Variants in TIMP2 observed in about 807,000 individuals in gnomAD.
TIMP2 encodes metalloproteinase inhibitor 2.
Under a neutral mutation model 24.3 loss-of-function variants are expected in TIMP2, and 5 were observed. That is an observed-to-expected ratio of 0.21 (90% CI 0.11 to 0.43). The LOEUF (loss-of-function observed/expected upper bound fraction) is 0.43, where lower values mean the gene tolerates loss of function less well. TIMP2 is among the 20% of genes least tolerant of loss of function. The pLI, the probability that TIMP2 is intolerant of heterozygous loss-of-function variation, is 1.00. For missense variants in TIMP2, 221 were observed against 297.5 expected, an observed-to-expected ratio of 0.74 and a Z score of 1.89; for synonymous variants, 130 against 123.2, an observed-to-expected ratio of 1.06 and a Z score of -0.37.
chr17:78,868,560 C>A lies in TIMP2; in HGVS notation c.340+2338G>T, dbSNP rs530105801. Reference sequence around the variant, plus strand: ...GCCACTGCACCAGGCCTTGTCTATTCTTTTTTTCTTAAGTTTGTGATCAGA... The same window carrying A: ...GCCACTGCACCAGGCCTTGTCTATTATTTTTTTCTTAAGTTTGTGATCAGA... On this transcript the variant is annotated intron_variant, in intron 3 of 4. Transcript: ENST00000262768. Among the ~76,000 whole-genome samples the A allele has an allele frequency of 4.8e-3, 736 of 152,208 alleles. 5 individuals are homozygous for A. The highest frequency in any genetic ancestry group is 0.017 in the African/African-American group (692 of 41,534).
intron 3 of TIMP2, among the ~76,000 whole-genome samples, chr17:78,866,668 A>G (rs2069620176): frequency 6.6e-6 from 1 of 152,164 alleles, no homozygotes; most frequent in South Asian, 2.1e-4. Flanking sequence ...TGACCGGATA[A>G]ACAAAACGTG....
chr17:78,925,102 G>A lies in TIMP2; in HGVS notation c.-14C>T. On this transcript the variant is annotated 5_prime_UTR_variant, in exon 1 of 5. Coordinates refer to ENST00000262768, the MANE Select transcript of TIMP2 (RefSeq NM_003255.5). ...CGCGGCGCCCATGGCGGGCCGGGGG[G>A]CTGGGCGGGCGGGGGCCGCCGCTGG... The A allele has an allele frequency of 3.2e-6, 3 of 940,528 alleles. No individual in the cohort carries two copies. Among genetic ancestry groups the A allele is most frequent in the Non-Finnish European group, 3.8e-6 (3 of 791,454 alleles). 58.3% of individuals were successfully genotyped at this position (940,528 alleles called of 1,614,324 possible). A position where few individuals can be genotyped will look rare whatever the true frequency, so the allele number is the denominator to read the frequency against.
At chr17:78,918,076 A>ACACACACACACACGCG (rs1555652974) in intron 1 of TIMP2, among the ~76,000 whole-genome samples, 13 of 146,320 alleles carry the variant, frequency 8.9e-5, no homozygotes, top group African/African-American at 2.9e-4. Context: ...ACACACACAC[A>ACACACACACACACGCG]CACACACACA....
At chr17:78,901,482 G>A (rs190392264) in intron 1 of TIMP2, among the ~76,000 whole-genome samples, 90 of 152,226 alleles carry the variant, frequency 5.9e-4, no homozygotes, top group Middle Eastern at 3.4e-3. Flanking sequence ...CCGCAGGCTT[G>A]GAGTCCAGGA....
chr17:78,925,096 CG>C lies in TIMP2; in HGVS notation c.-9del. On this transcript the variant is annotated 5_prime_UTR_variant, in exon 1 of 5. Transcript: ENST00000262768. ...GCGGGCCGCGGCGCCCATGGCGGGC[CG>C]GGGGGCTGGGCGGGCGGGGGCCGCC... The C allele has an allele frequency of 1.0e-3, 27 of 26,618 alleles. No homozygotes were observed. The highest frequency in any genetic ancestry group is 1.5e-3 in the Non-Finnish European group (25 of 17,132). The allele number at this position is 26,618 out of a possible 1,614,324, so 1.6% of individuals were successfully genotyped here.
rs771343314 is a variant in TIMP2 at position 78,855,842 on chromosome 17, G to A, written c.488C>T (p.Pro163Leu). The change falls in exon 5 of 5, where the codon CCG becomes CTG. Residue 163 changes from proline (P) to leucine (L), a missense_variant. Physicochemically the swap from Pro to Leu is moderately conservative, Grantham distance 98 (BLOSUM62 -3). Coordinates refer to ENST00000262768, the MANE Select transcript of TIMP2 (RefSeq NM_003255.5). This position sits in a 1 kb window ranked among gnomAD's most constrained non-coding sequence, Gnocchi z 6.0. ...CTCGTCCGGGGAGGAGATGTAGCAC[G>A]GGATCATGGGGCAGCGCGTGATCTG... is the stretch of plus-strand genomic sequence containing the variant. ...ECKITRCPMI[P>L]CYISSPDECL... 4.3e-6 allele frequency: 7 copies of A among 1,614,068 alleles called. No individual in the cohort carries two copies. The highest frequency in any genetic ancestry group is 2.2e-5 in the East Asian group (1 of 44,872).
At chr17:78,863,651 T>C (rs559461505) in intron 3 of TIMP2, among the ~76,000 whole-genome samples, 1 of 152,244 alleles carries the variant, frequency 6.6e-6, no homozygotes, top group East Asian at 1.9e-4. Flanking sequence ...GCCTTCACGC[T>C]CATTCTGCTA....
chr17:78,897,774 G>A (rs567909941), intron 1 of TIMP2: 7 of 152,182 alleles, frequency 4.6e-5, no homozygotes, highest in Admixed American at 1.3e-4. Flanking sequence ...TTCCCACCTC[G>A]GCCTGTAACA....
intron 1 of TIMP2, among the ~76,000 whole-genome samples, chr17:78,912,721 C>T (rs1345604439): frequency 1.3e-5 from 2 of 152,208 alleles, no homozygotes; most frequent in Non-Finnish European, 2.9e-5. Context: ...GAAGCCCAGA[C>T]CTGTGCCATC....
At position 78,891,189 on chromosome 17, in the gene TIMP2, C is replaced by T. The variant is rs763995168; in HGVS notation, c.131-17270G>A. ...CTTCCATTTCTAAACGTGGGCTTGA[C>T]CGTGCCCTGATATTTTTGGTTCTGG... On this transcript the variant is annotated intron_variant, in intron 1 of 4. Coordinates refer to ENST00000262768, the MANE Select transcript of TIMP2 (RefSeq NM_003255.5). This position sits in a 1 kb window ranked among gnomAD's most constrained non-coding sequence, Gnocchi z 4.5. 32 of 1,550,572 alleles carry T rather than the reference C, an allele frequency of 2.1e-5. No homozygotes were observed. The South Asian group carries it at 3.7e-4, about 18-fold the overall frequency.
At chr17:78,877,747 A>G in intron 1 of TIMP2, among the ~76,000 whole-genome samples, 1 of 147,870 alleles carries the variant, frequency 6.8e-6, no homozygotes, top group African/African-American at 2.5e-5. Context: ...TCTGTCATCC[A>G]GGCTGGAGTG....
chr17:78,884,262 CT>C (rs929058489), intron 1 of TIMP2, among the ~76,000 whole-genome samples: 2 of 152,210 alleles, frequency 1.3e-5, no homozygotes, highest in African/African-American at 4.8e-5. Flanking sequence ...AGCAGATTCT[CT>C]CCTCGCACTG....
Position 78,924,940 on chromosome 17 carries a change from TG to T in TIMP2, c.130+18del. ...GGGAGGTGGGGCCCCGCGCGGGGGC[TG>T]GGGTCGCCGCTCCTTACCTACATCT... is the stretch of plus-strand genomic sequence containing the variant. On this transcript the variant is annotated intron_variant, in intron 1 of 4. Transcript: ENST00000262768. This position sits in a 1 kb window ranked among gnomAD's most constrained non-coding sequence, Gnocchi z 5.3. 8.1e-7 allele frequency: 1 copy of T among 1,236,700 alleles called. No individual in the cohort carries two copies. Among genetic ancestry groups the T allele is most frequent in the South Asian group, 2.7e-5 (1 of 36,714 alleles). 76.6% of individuals were successfully genotyped at this position (1,236,700 alleles called of 1,614,324 possible). A position where few individuals can be genotyped will look rare whatever the true frequency, so the allele number is the denominator to read the frequency against.
In TIMP2 at chr17:78,853,037, A is replaced by G. The variant is rs780739152; in HGVS notation, c.*2630T>C. ...GAGCGATTGCTCAAGAATGATACAA[A>G]GCATCAGAGACATGCGCAGTCTGCT... On this transcript the variant is annotated 3_prime_UTR_variant, in exon 5 of 5. Coordinates refer to ENST00000262768, the MANE Select transcript of TIMP2 (RefSeq NM_003255.5). 2.6e-5 allele frequency: 4 copies of G among 152,626 alleles called. No homozygotes were observed. The highest frequency in any genetic ancestry group is 5.9e-5 in the Non-Finnish European group (4 of 68,040). The allele number at this position is 152,626 out of a possible 1,614,324, so 9.5% of individuals were successfully genotyped here.
chr17:78,879,375 C>T lies in TIMP2; in HGVS notation c.131-5456G>A, dbSNP rs574600835. 7.9e-5 allele frequency among the ~76,000 whole-genome samples: 12 copies of T among 152,288 alleles called. No individual in the cohort carries two copies. In the South Asian group the frequency reaches 2.3e-3, roughly 29 times the overall value. On this transcript the variant is annotated intron_variant, in intron 1 of 4. Transcript: ENST00000262768. ...CACTTCAAAAGAGGGAGGGCCTCTC[C>T]GAGTCCCAGGCCATGTGAAGAACAG...
At chr17:78,868,868 C>T (rs2069642513) in intron 3 of TIMP2, among the ~76,000 whole-genome samples, 1 of 152,112 alleles carries the variant, frequency 6.6e-6, no homozygotes, top group Admixed American at 6.6e-5. Context: ...CAATCTACCC[C>T]ACCTCCCCTG....
chr17:78,917,026 T>C (rs1447501698), intron 1 of TIMP2, among the ~76,000 whole-genome samples: 1 of 152,116 alleles, frequency 6.6e-6, no homozygotes. Flanking sequence ...TCCTTGAAGA[T>C]GGGCACCATG....
At chr17:78,895,507 T>TTGGAACCCTGTGCACGCTGCTGGTGGGAA (rs2069985843) in intron 1 of TIMP2, among the ~76,000 whole-genome samples, 1 of 151,978 alleles carries the variant, frequency 6.6e-6, no homozygotes, top group Non-Finnish European at 1.5e-5. Context: ...GGGGGAGGAA[T>TTGGAACCCTGTGCACGCTGCTGGTGGGAA]TGGAACCCTG....
At chr17:78,873,472 T>C (rs1006187225) in intron 2 of TIMP2, among the ~76,000 whole-genome samples, 1 of 151,962 alleles carries the variant, frequency 6.6e-6, no homozygotes, top group African/African-American at 2.4e-5. Context: ...GGCTGGTTTT[T>C]TGTAGAGATG....
Sources: gnomAD v4.1 joint callset for allele counts (sites outside exome capture counted in the v4.1 genomes callset) on GRCh38, gnomAD v4.1.1 for gene constraint, Gnocchi (gnomAD v3.1) non-coding constraint, MANE v1.5 for transcripts, NCBI Gene and HGNC (gene_info 2026-07-23, HGNC 2026-07-21) for gene names.